SENP6: variants seen among roughly 807,000 people sequenced by gnomAD.
The protein encoded by SENP6 is sentrin-specific protease 6.
A neutral mutation model predicts 134.5 loss-of-function variants in SENP6; 41 were observed. The ratio of observed to expected loss-of-function variants is 0.30; its 90% confidence interval spans 0.24 to 0.40. SENP6 has a LOEUF of 0.40. Ranked by LOEUF, SENP6 falls within the 10% of genes least tolerant of loss-of-function variation. The probability of loss-of-function intolerance (pLI) is 1.00; values close to 1 mark genes in which losing one functional copy is unlikely to be tolerated. For missense variants in SENP6, 1,248 were observed against 1,312.5 expected (o/e 0.95, Z 0.76); for synonymous variants, 395 against 429.8 (o/e 0.92, Z 1.00).
intron 5 of SENP6, among the ~76,000 whole-genome samples, chr6:75,637,048 C>G (rs1360703093): frequency 6.6e-6 from 1 of 151,890 alleles, no homozygotes; most frequent in East Asian, 1.9e-4. Flanking sequence ...ACCAGGCTAA[C>G]TTTAAAAAAA....
chr6:75,679,077 G>T, intron 16 of SENP6, 150 bp downstream of exon 16: 1 of 539,698 alleles, frequency 1.9e-6, no homozygotes, highest in Non-Finnish European at 3.2e-6. Flanking sequence ...TTCTGTTTCT[G>T]TCTTTGCACA....
chr6:75,686,653 T>C (rs142791556), intron 16 of SENP6, among the ~76,000 whole-genome samples: 2,844 of 152,346 alleles, frequency 0.019, 40 homozygotes, highest in Non-Finnish European at 0.029. Flanking sequence ...CCTTCACTTA[T>C]GAAGCTTAGT....
chr6:75,629,064 A>G (rs545554748), intron 3 of SENP6, among the ~76,000 whole-genome samples: 23 of 152,354 alleles, frequency 1.5e-4, no homozygotes, highest in Admixed American at 4.6e-4. Flanking sequence ...AAAATGACAT[A>G]GTAATCAAAC....
intron 6 of SENP6, among the ~76,000 whole-genome samples, chr6:75,645,075 C>T (rs1770328118): frequency 6.6e-6 from 1 of 152,118 alleles, no homozygotes; most frequent in East Asian, 1.9e-4. Flanking sequence ...TTTTAAACAG[C>T]TTGTAAAAAT....
intron 3 of SENP6, among the ~76,000 whole-genome samples, chr6:75,629,941 G>A (rs1232298195): frequency 1.3e-5 from 2 of 151,954 alleles, no homozygotes; most frequent in Admixed American, 6.6e-5. Flanking sequence ...TTCCTAAGTT[G>A]TTTACCAAGA....
intron 1 of SENP6, among the ~76,000 whole-genome samples, chr6:75,614,988 T>A (rs1372480379): frequency 6.6e-6 from 1 of 152,024 alleles, no homozygotes; most frequent in Non-Finnish European, 1.5e-5. Flanking sequence ...GCTCCTGGGT[T>A]CAAGCAATTC....
At chr6:75,644,237 T>C (rs1770249377) in intron 6 of SENP6, 1 of 151,796 alleles carries the variant, frequency 6.6e-6, no homozygotes, top group Admixed American at 6.6e-5. Flanking sequence ...AAGGATGTAG[T>C]TACATCAAAG....
chr6:75,628,942 T>C (rs574039055), intron 3 of SENP6, among the ~76,000 whole-genome samples: 1 of 152,118 alleles, frequency 6.6e-6, no homozygotes, highest in Non-Finnish European at 1.5e-5. Flanking sequence ...CAGGCTGGTC[T>C]TGGAACTCCT....
At chr6:75,677,877 GA>G (rs1773202569) in intron 14 of SENP6, 1 of 152,214 alleles carries the variant, frequency 6.6e-6, no homozygotes, top group South Asian at 2.1e-4. Context: ...TAGCTTTGCT[GA>G]CCTAATTTAT....
chr6:75,711,452 T>C, intron 21 of SENP6, 36 bp downstream of exon 21: 1 of 1,355,394 alleles, frequency 7.4e-7, no homozygotes, highest in Non-Finnish European at 1.0e-6. Flanking sequence ...AACTACATAA[T>C]TTTTAAGTAT....
chr6:75,662,674 G>A (rs1183024797), intron 8 of SENP6, among the ~76,000 whole-genome samples: 1 of 152,142 alleles, frequency 6.6e-6, no homozygotes, highest in East Asian at 1.9e-4. Flanking sequence ...TTTCTTAGCT[G>A]ATGGAAGGCA....
At chr6:75,625,009 G>A (rs1339625735) in intron 3 of SENP6, among the ~76,000 whole-genome samples, 2 of 151,180 alleles carry the variant, frequency 1.3e-5, no homozygotes, top group African/African-American at 4.9e-5. Context: ...CAATAATGGT[G>A]TATTGTATAA....
rs780141438 is a variant in SENP6, at chr6:75,697,443, T to C, written c.2214T>C (p.His738=). 1.2e-6 allele frequency: 2 copies of C among 1,612,854 alleles called. No homozygotes were observed. The highest frequency in any genetic ancestry group is 4.5e-5 in the East Asian group (2 of 44,850). The change falls in exon 18 of 24, where the codon CAT becomes CAC. Residue 738 remains histidine, a synonymous_variant. Coordinates refer to ENST00000447266, the MANE Select transcript of SENP6 (RefSeq NM_015571.4). Reference sequence around the variant, plus strand: ...CTTACAGAATACAGCAAAAACGGCATGGGAGAGTAAAAACATGGACCCGGC... The same window carrying C: ...CTTACAGAATACAGCAAAAACGGCACGGGAGAGTAAAAACATGGACCCGGC... ...TTNLSIQQKR[H]GRVKTWTRHV...
At chr6:75,684,304 T>C (rs1212307240) in intron 16 of SENP6, among the ~76,000 whole-genome samples, 4 of 152,282 alleles carry the variant, frequency 2.6e-5, no homozygotes, top group African/African-American at 4.8e-5. Context: ...TGGGCTGAGA[T>C]GATGGGGTTT....
At chr6:75,706,973 A>G (rs1775441795) in intron 19 of SENP6, among the ~76,000 whole-genome samples, 1 of 152,210 alleles carries the variant, frequency 6.6e-6, no homozygotes, top group South Asian at 2.1e-4. Context: ...ACATCTTCAC[A>G]TGGTCTCCTT....
chr6:75,627,135 G>T (rs1182139884), intron 3 of SENP6, among the ~76,000 whole-genome samples: 2 of 151,930 alleles, frequency 1.3e-5, no homozygotes, highest in African/African-American at 4.8e-5. Context: ...GCTAACTTTT[G>T]TATTTTAGTA....
intron 19 of SENP6, among the ~76,000 whole-genome samples, chr6:75,707,355 C>CTTTTTTTTTTTT (rs10564996): frequency 5.4e-5 from 4 of 74,690 alleles, no homozygotes; most frequent in African/African-American, 1.0e-4. Flanking sequence ...TCTTCTTCTT[C>CTTTTTTTTTTTT]TTTTTTTTTT....
At chr6:75,705,012 G>C (rs1409290204) in intron 19 of SENP6, among the ~76,000 whole-genome samples, 2 of 152,132 alleles carry the variant, frequency 1.3e-5, no homozygotes, top group Non-Finnish European at 2.9e-5. Flanking sequence ...AATTGTTCAG[G>C]GTACAGGCCA....
intron 16 of SENP6, among the ~76,000 whole-genome samples, chr6:75,684,032 T>A (rs1211641815): frequency 6.6e-6 from 1 of 152,236 alleles, no homozygotes; most frequent in African/African-American, 2.4e-5. Flanking sequence ...TCCATGAGAA[T>A]GGAATATTCT....
Sources: gnomAD v4.1 joint callset for allele counts (sites outside exome capture counted in the v4.1 genomes callset) on GRCh38, gnomAD v4.1.1 for gene constraint, MANE v1.5 for transcripts, NCBI Gene and HGNC (gene_info 2026-07-23, HGNC 2026-07-21) for gene names.